NHEJ1: variants seen among roughly 807,000 people sequenced by gnomAD.
NHEJ1 encodes the protein non-homologous end-joining factor 1.
Under a neutral mutation model 39.4 loss-of-function variants are expected in NHEJ1, and 22 were observed. The ratio of observed to expected loss-of-function variants is 0.56; its 90% CI spans 0.40 to 0.80. NHEJ1 has a LOEUF of 0.80. Among genes scored for constraint, NHEJ1 ranks in the 30% least tolerant of loss-of-function variants. The pLI is 0.00. For missense variants in NHEJ1, 329 were observed against 357.1 expected (o/e 0.92, Z 0.63); for synonymous variants, 154 against 135.6 (o/e 1.14, Z -0.94).
At chr2:219,118,415 C>T (rs1233590081) in intron 5 of NHEJ1, among the ~76,000 whole-genome samples, 2 of 151,928 alleles carry the variant, frequency 1.3e-5, no homozygotes, top group Non-Finnish European at 2.9e-5. Flanking sequence ...AAATGCTCTG[C>T]CAAGGAGACT....
chr2:219,157,074 A>G (rs77397607), intron 3 of NHEJ1, among the ~76,000 whole-genome samples: 17,699 of 152,154 alleles, frequency 0.12, 1,001 homozygotes, highest in East Asian at 0.15. Context: ...CAGTCTCTTC[A>G]AAGAGGTTTT....
At chr2:219,095,889 A>AT (rs1411677997) in intron 5 of NHEJ1, among the ~76,000 whole-genome samples, 1 of 152,156 alleles carries the variant, frequency 6.6e-6, no homozygotes. Flanking sequence ...TAAAAAAAAA[A>AT]CTGGCAAAGG....
At chr2:219,148,946 C>T (rs1328574945) in intron 3 of NHEJ1, among the ~76,000 whole-genome samples, 3 of 151,748 alleles carry the variant, frequency 2.0e-5, no homozygotes, top group African/African-American at 4.8e-5. Flanking sequence ...TACAGTAGCA[C>T]GATCTCAGCT....
At chr2:219,091,281 C>A (rs2106327749) in intron 5 of NHEJ1, among the ~76,000 whole-genome samples, 1 of 152,218 alleles carries the variant, frequency 6.6e-6, no homozygotes, top group East Asian at 1.9e-4. Context: ...CTTCTCAGTT[C>A]TTTTTTCCGC....
chr2:219,132,139 A>G (rs1949584678), intron 5 of NHEJ1, among the ~76,000 whole-genome samples: 1 of 152,262 alleles, frequency 6.6e-6, no homozygotes, highest in Non-Finnish European at 1.5e-5. Context: ...TTCAGAGGCT[A>G]TAATTTCCTT....
At chr2:219,103,400 C>T (rs376222766) in intron 5 of NHEJ1, among the ~76,000 whole-genome samples, 1 of 151,906 alleles carries the variant, frequency 6.6e-6, no homozygotes, top group African/African-American at 2.4e-5. Flanking sequence ...CTCAGACTCC[C>T]AAGTAGCTGG....
intron 5 of NHEJ1, among the ~76,000 whole-genome samples, chr2:219,085,978 GGT>G (rs1169584135): frequency 6.6e-6 from 1 of 152,146 alleles, no homozygotes; most frequent in African/African-American, 2.4e-5. Flanking sequence ...TTCAGTCTGA[GGT>G]CTGGCTAGCT....
At chr2:219,085,011 C>A (rs570814830) in intron 5 of NHEJ1, among the ~76,000 whole-genome samples, 3 of 152,320 alleles carry the variant, frequency 2.0e-5, no homozygotes, top group Non-Finnish European at 4.4e-5. Context: ...TTCCTGCTTC[C>A]TAATGTGGCT....
At chr2:219,096,272 G>T (rs188882117) in intron 5 of NHEJ1, among the ~76,000 whole-genome samples, 52 of 152,328 alleles carry the variant, frequency 3.4e-4, no homozygotes, top group Non-Finnish European at 5.3e-4. Context: ...ACCTGGGAAA[G>T]ATTCTGTAAA....
intron 5 of NHEJ1, among the ~76,000 whole-genome samples, chr2:219,116,383 G>T (rs1178801160): frequency 6.6e-6 from 1 of 151,726 alleles, no homozygotes; most frequent in Non-Finnish European, 1.5e-5. Context: ...TTGAAACAGG[G>T]TCTCACTTTG....
At chr2:219,089,179 A>G (rs151192709) in intron 5 of NHEJ1, among the ~76,000 whole-genome samples, 1 of 152,310 alleles carries the variant, frequency 6.6e-6, no homozygotes, top group African/African-American at 2.4e-5. Flanking sequence ...ACAGCGAGGT[A>G]GTTACTAAAA....
In NHEJ1 at chr2:219,082,252, A is replaced by G. The variant is rs183857131; in HGVS notation, c.589-4046T>C. 3.4e-3 allele frequency among the ~76,000 whole-genome samples: 511 copies of G among 152,354 alleles called. 1 individual carries two copies. The highest frequency in any genetic ancestry group is 0.012 in the African/African-American group (479 of 41,578). ...GGACTTTGGACCCTGGTATACAGCCATATCAGAAACTTTAGGCAAACCAAA... is the reference window on the plus strand; with the variant it reads ...GGACTTTGGACCCTGGTATACAGCCGTATCAGAAACTTTAGGCAAACCAAA... On this transcript the variant is annotated intron_variant, in intron 5 of 7. Transcript: ENST00000356853.
chr2:219,136,649 C>G (rs1949631466), intron 5 of NHEJ1, among the ~76,000 whole-genome samples: 1 of 152,148 alleles, frequency 6.6e-6, no homozygotes, highest in Non-Finnish European at 1.5e-5. Context: ...GTTGCCCAGG[C>G]TGGAGTGCAG....
chr2:219,103,587 T>A (rs534690617), intron 5 of NHEJ1, among the ~76,000 whole-genome samples: 88 of 152,252 alleles, frequency 5.8e-4, no homozygotes, highest in South Asian at 3.5e-3. Context: ...CCATTTTTTT[T>A]AAAAACAAAA....
chr2:219,100,508 G>A (rs1949246733), intron 5 of NHEJ1, among the ~76,000 whole-genome samples: 1 of 151,178 alleles, frequency 6.6e-6, no homozygotes, highest in African/African-American at 2.4e-5. Context: ...CTACTTGGGA[G>A]ACTGAGGCAT....
chr2:219,149,660 G>C (rs902548030), intron 3 of NHEJ1, among the ~76,000 whole-genome samples: 2 of 152,156 alleles, frequency 1.3e-5, no homozygotes, highest in African/African-American at 4.8e-5. Context: ...ATCTATCTGT[G>C]ACTAAGGGAA....
chr2:219,158,872 G>GGATT (rs1949883290), intron 1 of NHEJ1: 1 of 181,556 alleles, frequency 5.5e-6, no homozygotes, highest in South Asian at 1.1e-4. Context: ...GAAGCTCTCA[G>GGATT]GATTTTTTTA....
chr2:219,140,191 G>C (rs970401053), intron 5 of NHEJ1, among the ~76,000 whole-genome samples: 8 of 152,214 alleles, frequency 5.3e-5, no homozygotes, highest in Non-Finnish European at 1.0e-4. Context: ...GGCCAGTGTG[G>C]CTGCAGTGGA....
At chr2:219,081,293 T>C (rs1024695182) in intron 5 of NHEJ1, among the ~76,000 whole-genome samples, 1 of 152,064 alleles carries the variant, frequency 6.6e-6, no homozygotes, top group Non-Finnish European at 1.5e-5. Context: ...GGCAGGACAA[T>C]GGTAGTGGCT....
Sources: allele counts gnomAD v4.1 joint callset (sites outside exome capture counted in the v4.1 genomes callset), GRCh38; gene constraint gnomAD v4.1.1; transcripts MANE v1.5; gene names NCBI Gene and HGNC (gene_info 2026-07-23, HGNC 2026-07-21).